Variants in DAB1 observed in about 807,000 individuals in gnomAD.
DAB1 encodes DAB adaptor protein 1, also known as disabled homolog 1.
DAB1 carries 15 observed loss-of-function variants against 64.6 expected under a neutral mutation model. The ratio of observed to expected loss-of-function variants is 0.23; its 90% confidence interval spans 0.16 to 0.36. The LOEUF is 0.36. Among genes scored for constraint, DAB1 ranks in the 10% least tolerant of loss-of-function variants. The pLI is 1.00. For synonymous variants in DAB1, 235 were observed against 251.9 expected (o/e 0.93, Z 0.64); for missense variants, 596 against 706.7 (o/e 0.84, Z 1.78).
At chr1:58,369,431 G>A (rs1398427598) in intron 3 of DAB1, among the ~76,000 whole-genome samples, 3 of 152,240 alleles carry the variant, frequency 2.0e-5, no homozygotes, top group African/African-American at 7.2e-5. Flanking sequence ...CTATTTTATA[G>A]TTTAACAGAC....
chr1:57,451,757 A>G (rs1160090958), intron 7 of DAB1, among the ~76,000 whole-genome samples: 1 of 152,172 alleles, frequency 6.6e-6, no homozygotes, highest in Admixed American at 6.6e-5. Flanking sequence ...GATATTAAAA[A>G]TCAGGTTTTT....
upstream of DAB1, among the ~76,000 whole-genome samples, chr1:57,885,488 T>C (rs1644208215): frequency 6.6e-6 from 1 of 152,188 alleles, no homozygotes; most frequent in East Asian, 1.9e-4. Context: ...GAGGGGTGTA[T>C]GTGTGTACAG....
chr1:58,394,418 TGCTCATG>T (rs765351578), intron 3 of DAB1, among the ~76,000 whole-genome samples: 1 of 152,166 alleles, frequency 6.6e-6, no homozygotes, highest in Non-Finnish European at 1.5e-5. Flanking sequence ...TGTACATGAG[TGCTCATG>T]GCAGCCTTAT....
At position 57,045,685 on chromosome 1, in the gene DAB1, G is replaced by A. The variant is rs919261740; in HGVS notation, c.723+17199C>T. Among the ~76,000 whole-genome samples the A allele has an allele frequency of 4.6e-5, 7 of 152,178 alleles. No individual in the cohort carries two copies. In the South Asian group the frequency reaches 8.3e-4, roughly 18 times the overall value. On this transcript the variant is annotated intron_variant, in intron 9 of 14. Coordinates refer to ENST00000371236, the MANE Select transcript of DAB1 (RefSeq NM_001365792.1). Reference sequence around the variant, plus strand: ...TGCATTCCAGCCTGGGTGACAGAGCGAGACTCCATCTCAAAAAAATAAAAA... The same window carrying A: ...TGCATTCCAGCCTGGGTGACAGAGCAAGACTCCATCTCAAAAAAATAAAAA...
At chr1:57,275,052 T>TATTGCATTTTTGTTTG (rs1382038873) in intron 2 of DAB1, among the ~76,000 whole-genome samples, 3 of 152,174 alleles carry the variant, frequency 2.0e-5, no homozygotes, top group Non-Finnish European at 4.4e-5. Flanking sequence ...CCAAGATCTT[T>TATTGCATTTTTGTTTG]ATTGCATTTT....
At chr1:58,231,074 T>C (rs965518703) in intron 4 of DAB1, among the ~76,000 whole-genome samples, 1 of 152,246 alleles carries the variant, frequency 6.6e-6, no homozygotes, top group Admixed American at 6.5e-5. Context: ...GAGGACTAAA[T>C]TAGTTAACAA....
Position 58,196,307 on chromosome 1 carries a change from A to AC in DAB1, n.310-45720_310-45719insG, listed in dbSNP as rs547246529. Among the ~76,000 whole-genome samples, 60 of 152,322 alleles carry AC rather than the reference A, an allele frequency of 3.9e-4. 1 individual carries two copies. The South Asian group carries it at 0.012, about 31-fold the overall frequency. On this transcript the variant is annotated intron_variant and non_coding_transcript_variant, in intron 4 of 20. Transcript: ENST00000485760. ...AAGTATGAGGAAGGGTCCCAGGAGG[A>AC]AACAGGCTGGAGAAGCAGGGCAAGA...
Position 58,081,491 on chromosome 1 carries a change from G to A in DAB1, n.387+69020C>T, listed in dbSNP as rs78304972. 1.2e-4 allele frequency among the ~76,000 whole-genome samples: 19 copies of A among 152,324 alleles called. No individual in the cohort carries two copies. In the East Asian group the frequency reaches 3.7e-3, roughly 29 times the overall value. Reference sequence around the variant, plus strand: ...TCTGCCCACCCTTGTGGAGGAAACAGAGAAACTGAGATGGCCTCATGCCTG... The same window carrying A: ...TCTGCCCACCCTTGTGGAGGAAACAAAGAAACTGAGATGGCCTCATGCCTG... On this transcript the variant is annotated intron_variant and non_coding_transcript_variant, in intron 5 of 20. Transcript: ENST00000485760.
chr1:57,829,965 C>T (rs1652516304), intron 1 of DAB1, among the ~76,000 whole-genome samples: 1 of 152,304 alleles, frequency 6.6e-6, no homozygotes, highest in South Asian at 2.1e-4. Flanking sequence ...GGAAGACTAG[C>T]GTACAGAGAG....
chr1:58,026,242 A>G (rs72667914), intron 5 of DAB1, among the ~76,000 whole-genome samples: 2 of 152,334 alleles, frequency 1.3e-5, no homozygotes, highest in Non-Finnish European at 2.9e-5. Flanking sequence ...AAAGTTGGAC[A>G]TTTGGTTACA....
At chr1:57,384,160 A>C (rs1386965662) in intron 1 of DAB1, among the ~76,000 whole-genome samples, 1 of 152,214 alleles carries the variant, frequency 6.6e-6, no homozygotes, top group Non-Finnish European at 1.5e-5. Context: ...ATCACCAATC[A>C]TTAGGAAAAT....
intron 1 of DAB1, among the ~76,000 whole-genome samples, chr1:57,328,498 T>C (rs568644153): frequency 1.3e-5 from 2 of 152,326 alleles, no homozygotes; most frequent in East Asian, 1.9e-4. Flanking sequence ...ACCCCACACA[T>C]ACGCACTGTA....
chr1:57,530,321 T>C (rs962839529), intron 7 of DAB1, among the ~76,000 whole-genome samples: 10 of 152,196 alleles, frequency 6.6e-5, no homozygotes, highest in African/African-American at 2.4e-4. Flanking sequence ...ACTCTTACTA[T>C]GTGCAGTATG....
At chr1:57,260,265 A>ACAGTC (rs1268969184) in intron 2 of DAB1, among the ~76,000 whole-genome samples, 1 of 152,132 alleles carries the variant, frequency 6.6e-6, no homozygotes. Flanking sequence ...CAGTGACCAA[A>ACAGTC]CAGTCCACCT....
chr1:57,196,412 C>T (rs1664626201), intron 2 of DAB1, among the ~76,000 whole-genome samples: 1 of 152,144 alleles, frequency 6.6e-6, no homozygotes, highest in African/African-American at 2.4e-5. Flanking sequence ...CATCATGTAG[C>T]AGGAGATGAC....
At position 58,362,204 on chromosome 1, in the gene DAB1, T is replaced by A. The variant is rs186428084; in HGVS notation, n.258-18801A>T. Among the ~76,000 whole-genome samples the A allele has an allele frequency of 5.9e-5, 9 of 152,324 alleles. No individual in the cohort carries two copies. In the East Asian group the frequency reaches 1.7e-3, roughly 29 times the overall value. ...CATGAATATTAAGTGAGATTTGGTA[T>A]TTAAATTCCCTGGCCCTGGACACAG... is the stretch of plus-strand genomic sequence containing the variant. On this transcript the variant is annotated intron_variant and non_coding_transcript_variant, in intron 3 of 20. Transcript: ENST00000485760.
chr1:57,432,872 C>G (rs894373488), intron 7 of DAB1, among the ~76,000 whole-genome samples: 3 of 152,096 alleles, frequency 2.0e-5, no homozygotes, highest in African/African-American at 7.2e-5. Context: ...CTAAGAAAAA[C>G]ATGAAATTTC....
intron 7 of DAB1, 93 bp downstream of exon 7, chr1:57,070,930 C>T: frequency 1.8e-6 from 2 of 1,100,332 alleles, no homozygotes; most frequent in Non-Finnish European, 2.8e-6. Flanking sequence ...CCAGGTTTTG[C>T]AGTCAGTGGA....
intron 2 of DAB1, among the ~76,000 whole-genome samples, chr1:57,260,189 C>T (rs563324998): frequency 6.6e-6 from 1 of 152,258 alleles, no homozygotes; most frequent in East Asian, 1.9e-4. Flanking sequence ...GTGCTCTGTG[C>T]TTAGACACAG....
Sources: allele counts gnomAD v4.1 joint callset (sites outside exome capture counted in the v4.1 genomes callset), GRCh38; gene constraint gnomAD v4.1.1; transcripts MANE v1.5; gene names NCBI Gene and HGNC (gene_info 2026-07-23, HGNC 2026-07-21).